ROCK1: variants seen among roughly 807,000 people sequenced by gnomAD.
ROCK1 encodes rho-associated protein kinase 1.
In ROCK1, 36 loss-of-function variants were observed where a neutral mutation model predicts 196.8. The ratio of observed to expected loss-of-function variants is 0.18; its 90% confidence interval spans 0.14 to 0.24. The LOEUF is 0.24. Among genes scored for constraint, ROCK1 ranks in the 10% least tolerant of loss-of-function variants. The pLI is 1.00. For synonymous variants in ROCK1, 443 were observed against 515.9 expected, an observed-to-expected ratio of 0.86 and a Z score of 1.91; for missense variants, 920 against 1,562.0, an observed-to-expected ratio of 0.59 and a Z score of 6.93.
At chr18:20,981,547 T>C (rs1463590586) in intron 21 of ROCK1, among the ~76,000 whole-genome samples, 1 of 152,180 alleles carries the variant, frequency 6.6e-6, no homozygotes, top group Admixed American at 6.5e-5. Flanking sequence ...ACTCATATTG[T>C]GTTAGTTGCT....
At chr18:21,090,183 T>C (rs1056507058) in intron 1 of ROCK1, among the ~76,000 whole-genome samples, 3 of 152,248 alleles carry the variant, frequency 2.0e-5, no homozygotes, top group African/African-American at 4.8e-5. Flanking sequence ...TGCAGCCAAA[T>C]GTTGACACAT....
At chr18:21,065,161 A>G (rs933102174) in intron 2 of ROCK1, among the ~76,000 whole-genome samples, 2 of 152,218 alleles carry the variant, frequency 1.3e-5, no homozygotes, top group African/African-American at 4.8e-5. Context: ...GGTCTGTGTA[A>G]CATTCTAAAT....
chr18:21,026,100 G>A lies in ROCK1; in HGVS notation c.1212-2420C>T, dbSNP rs533342521. Reference sequence around the variant, plus strand: ...TGGCGGTTGTTTATATCAACAACTTGAGTGTTTCAGAAACCAAGTCAAAGA... The same window carrying A: ...TGGCGGTTGTTTATATCAACAACTTAAGTGTTTCAGAAACCAAGTCAAAGA... On this transcript the variant is annotated intron_variant, in intron 10 of 32. Coordinates refer to ENST00000399799, the MANE Select transcript of ROCK1 (RefSeq NM_005406.3). 2.0e-5 allele frequency among the ~76,000 whole-genome samples: 3 copies of A among 152,220 alleles called. No individual in the cohort carries two copies. The South Asian group carries it at 6.2e-4, about 32-fold the overall frequency.
At chr18:21,017,866 G>A (rs530803222) in intron 12 of ROCK1, among the ~76,000 whole-genome samples, 5 of 151,766 alleles carry the variant, frequency 3.3e-5, no homozygotes, top group South Asian at 4.2e-4. Context: ...CCAGCTACTC[G>A]GGAGGCTGAG....
At chr18:21,091,052 T>TA (rs201618560) in intron 1 of ROCK1, among the ~76,000 whole-genome samples, 11,108 of 151,232 alleles carry the variant, frequency 0.073, 587 homozygotes, top group Admixed American at 0.15. Flanking sequence ...ATATGTGGAT[T>TA]TTTTTTTTCA....
intron 19 of ROCK1, among the ~76,000 whole-genome samples, chr18:20,986,190 C>T (rs1416359387): frequency 6.6e-6 from 1 of 152,150 alleles, no homozygotes; most frequent in East Asian, 1.9e-4. Flanking sequence ...AGTATCGATA[C>T]TTTGGCCTAC....
intron 20 of ROCK1, 111 bp downstream of exon 20, chr18:20,984,240 G>C (rs1260964349): frequency 1.3e-6 from 1 of 799,328 alleles, no homozygotes; most frequent in Non-Finnish European, 1.9e-6. Flanking sequence ...CTTTTTTTCT[G>C]TCTTTCACAA....
chr18:21,030,877 A>G (rs2036000082), intron 9 of ROCK1, among the ~76,000 whole-genome samples: 1 of 152,212 alleles, frequency 6.6e-6, no homozygotes, highest in African/African-American at 2.4e-5. Flanking sequence ...CACTGAAGCA[A>G]CCATTGAGTT....
chr18:21,002,511 G>C (rs1435071655), intron 16 of ROCK1, among the ~76,000 whole-genome samples: 1 of 152,122 alleles, frequency 6.6e-6, no homozygotes, highest in Non-Finnish European at 1.5e-5. Flanking sequence ...AAAGAATTAA[G>C]TATTTAACCT....
At chr18:21,043,099 AGGCCAGT>A in intron 6 of ROCK1, among the ~76,000 whole-genome samples, 1 of 152,256 alleles carries the variant, frequency 6.6e-6, no homozygotes, top group East Asian at 1.9e-4. Context: ...ACAAGTACAC[AGGCCAGT>A]GCAAATACAC....
chr18:20,959,139 T>TA (rs2035296995), intron 29 of ROCK1, among the ~76,000 whole-genome samples: 1 of 62,672 alleles, frequency 1.6e-5, no homozygotes, highest in African/African-American at 9.0e-5. Flanking sequence ...ATTATATATA[T>TA]TATATAAAAT....
chr18:21,096,954 CA>C (rs1444729409), intron 1 of ROCK1, among the ~76,000 whole-genome samples: 6 of 152,068 alleles, frequency 3.9e-5, no homozygotes, highest in African/African-American at 2.4e-5. Context: ...AAGAAAGTAA[CA>C]GTTTAACACA....
At chr18:20,978,092 T>A (rs1297801820) in intron 22 of ROCK1, among the ~76,000 whole-genome samples, 1 of 151,976 alleles carries the variant, frequency 6.6e-6, no homozygotes, top group Non-Finnish European at 1.5e-5. Context: ...TAAGGCAACT[T>A]AATTGCAAAA....
At position 20,982,319 on chromosome 18, in the gene ROCK1, T is replaced by C. The variant is rs558780086; in HGVS notation, c.2559+444A>G. 2.0e-5 allele frequency among the ~76,000 whole-genome samples: 3 copies of C among 152,362 alleles called. No individual in the cohort carries two copies. In the South Asian group the frequency reaches 6.2e-4, roughly 32 times the overall value. Reference sequence around the variant, plus strand: ...CACCCAGGCTGCAGCACAGATGACCTTGGCTTATTATAATGTCCAACTACT... The same window carrying C: ...CACCCAGGCTGCAGCACAGATGACCCTGGCTTATTATAATGTCCAACTACT... On this transcript the variant is annotated intron_variant, in intron 21 of 32. Transcript: ENST00000399799.
chr18:21,105,993 CAA>C (rs1343222266), intron 1 of ROCK1, among the ~76,000 whole-genome samples: 1 of 152,138 alleles, frequency 6.6e-6, no homozygotes. Context: ...AAGAAAAACT[CAA>C]AGACTAACAC....
At chr18:21,109,590 CATA>C (rs2036731901) in intron 1 of ROCK1, among the ~76,000 whole-genome samples, 1 of 152,052 alleles carries the variant, frequency 6.6e-6, no homozygotes, top group African/African-American at 2.4e-5. Context: ...AAAGAGCATC[CATA>C]ATGTGGTGAG....
chr18:21,074,366 T>G (rs1165823157), intron 1 of ROCK1, among the ~76,000 whole-genome samples: 1 of 152,162 alleles, frequency 6.6e-6, no homozygotes, highest in Non-Finnish European at 1.5e-5. Context: ...AATAAGTAAA[T>G]AATGTTCCAA....
At chr18:20,994,842 T>C (rs569562264) in intron 16 of ROCK1, among the ~76,000 whole-genome samples, 16 of 152,320 alleles carry the variant, frequency 1.1e-4, no homozygotes, top group African/African-American at 3.8e-4. Flanking sequence ...AGAAGCTTTA[T>C]ATACAGAAAA....
At chr18:21,040,235 C>CT (rs2036093747) in intron 8 of ROCK1, among the ~76,000 whole-genome samples, 1 of 151,860 alleles carries the variant, frequency 6.6e-6, no homozygotes, top group South Asian at 2.1e-4. Context: ...TAAAGTTAGG[C>CT]TTTTTTTTCC....
Sources: allele counts gnomAD v4.1 joint callset (sites outside exome capture counted in the v4.1 genomes callset), GRCh38; gene constraint gnomAD v4.1.1; transcripts MANE v1.5; gene names NCBI Gene and HGNC (gene_info 2026-07-23, HGNC 2026-07-21).